SLC5A6: variants seen among roughly 807,000 people sequenced by gnomAD.
SLC5A6 encodes the protein solute carrier family 5 member 6, also known as sodium-dependent multivitamin transporter.
In SLC5A6, 31 loss-of-function variants were observed where a neutral mutation model predicts 67.9. The observed-to-expected ratio is 0.46, with a 90% CI of 0.34 to 0.62. The LOEUF (loss-of-function observed/expected upper bound fraction) is 0.62, where lower values mean the gene tolerates loss of function less well. Among genes scored for constraint, SLC5A6 ranks in the 20% least tolerant of loss-of-function variants. The probability of loss-of-function intolerance (pLI) is 0.01; values close to 1 mark genes in which losing one functional copy is unlikely to be tolerated. For missense variants in SLC5A6, 673 were observed against 812.8 expected (o/e 0.83, Z 2.09); for synonymous variants, 343 against 331.0 (o/e 1.04, Z -0.39).
At chr2:27,212,374 G>T (rs771834206), upstream of SLC5A6, 2 of 1,550,464 alleles carry the variant, frequency 1.3e-6, no homozygotes, top group Non-Finnish European at 1.7e-6. Context: ...GGAAAATGGC[G>T]CCTCACGACC....
rs977046723 is a variant in SLC5A6, at chr2:27,211,988, G to C, written c.-208+32C>G. 2.4e-5 allele frequency: 14 copies of C among 581,088 alleles called. No individual in the cohort carries two copies. In the African/African-American group the frequency reaches 2.5e-4, roughly 10 times the overall value. The allele number at this position is 581,088 out of a possible 1,614,324, so 36.0% of individuals were successfully genotyped here. A position where few individuals can be genotyped will look rare whatever the true frequency, so the allele number is the denominator to read the frequency against. ...GGGCCCCGCCCCCTGCCCGCCCCCT[G>C]CCCGCCCCGCTCGCCGTGCCGCCAT... is the stretch of plus-strand genomic sequence containing the variant. On this transcript the variant is annotated intron_variant, in intron 1 of 16. Coordinates refer to ENST00000310574, the MANE Select transcript of SLC5A6 (RefSeq NM_021095.4).
intron 13 of SLC5A6, 42 bp from the exon 14 acceptor site, chr2:27,201,889 C>A: frequency 6.2e-7 from 1 of 1,611,420 alleles, no homozygotes; most frequent in Non-Finnish European, 8.5e-7. Flanking sequence ...GCCAGTCCTG[C>A]CAGCCCTCAC....
intron 8 of SLC5A6, 35 bp downstream of exon 8, chr2:27,204,756 A>G: frequency 6.2e-7 from 1 of 1,613,546 alleles, no homozygotes; most frequent in Non-Finnish European, 8.5e-7. Context: ...CTTCCCCTAG[A>G]CCTTGCTCCA....
intron 4 of SLC5A6, 91 bp from the exon 5 acceptor site, chr2:27,206,625 C>T (rs370398089): frequency 1.6e-6 from 2 of 1,224,340 alleles, no homozygotes; most frequent in East Asian, 2.3e-5. Flanking sequence ...ATGCCCATGG[C>T]TTCCCCTCAC....
Position 27,212,127 on chromosome 2 carries a change from G to T in SLC5A6, c.-315C>A. ...TGCAGTCGGCTCCGGGAAGCCGCGC[G>T]GCGACGGGGGAGGCCTTCACTAAAG... On this transcript the variant is annotated 5_prime_UTR_variant, in exon 1 of 17. Coordinates refer to ENST00000310574, the MANE Select transcript of SLC5A6 (RefSeq NM_021095.4). 1 of 1,504,478 alleles carries T rather than the reference G, an allele frequency of 6.6e-7. No homozygotes were observed. The highest frequency in any genetic ancestry group is 1.4e-5 in the African/African-American group (1 of 68,978). The allele number at this position is 1,504,478 out of a possible 1,614,324, so 93.2% of individuals were successfully genotyped here.
rs1031604449 is a variant in SLC5A6, at chr2:27,206,651, T to A, written c.460-117A>T. On this transcript the variant is annotated intron_variant, in intron 4 of 16. Transcript: ENST00000310574. ...TTCCCCTCACCTAGGCTCACTTCCC[T>A]CTTCCTTCTCCTCTCAAATTCTGGC... The A allele has an allele frequency of 4.8e-6, 5 of 1,033,302 alleles. No individual in the cohort carries two copies. In the Admixed American group the frequency reaches 8.7e-5, roughly 18 times the overall value. 64.0% of individuals were successfully genotyped at this position (1,033,302 alleles called of 1,614,324 possible). A position where few individuals can be genotyped will look rare whatever the true frequency, so the allele number is the denominator to read the frequency against.
At chr2:27,200,917 A>C in intron 16 of SLC5A6, 81 bp downstream of exon 16, 2 of 913,374 alleles carry the variant, frequency 2.2e-6, no homozygotes, top group Non-Finnish European at 3.5e-6. Context: ...GGGGGAGAGA[A>C]AAGGGGTAGA....
At position 27,206,483 on chromosome 2, in the gene SLC5A6, C is replaced by A; in HGVS notation, c.511G>T (p.Val171Leu). 2 of 1,614,126 alleles carry A rather than the reference C, an allele frequency of 1.2e-6. No homozygotes were observed. Among genetic ancestry groups the A allele is most frequent in the Non-Finnish European group, 1.7e-6 (2 of 1,179,978 alleles). ...LYAPSLALNA[V>L]TGFDLWLSVL... ...AGCCAGGGGCTGTGTGACTCCTCAC[C>A]TGCATTGAGAGCCAATGACGGAGCA... Residue 171 changes from valine to leucine, a missense_variant and splice_region_variant, in exon 5 of 17, where the codon GTG (valine) becomes TTG (leucine). Coordinates refer to ENST00000310574, the MANE Select transcript of SLC5A6 (RefSeq NM_021095.4).
chr2:27,212,202 G>GC lies in SLC5A6; in HGVS notation c.-391dup. 1.3e-6 allele frequency: 2 copies of GC among 1,554,228 alleles called. No individual in the cohort carries two copies. The highest frequency in any genetic ancestry group is 1.7e-6 in the Non-Finnish European group (2 of 1,149,504). On this transcript the variant is annotated 5_prime_UTR_variant, in exon 1 of 17. An upstream open reading frame in the 5' UTR gains an earlier in-frame stop. Transcript: ENST00000310574. Reference sequence around the variant, plus strand: ...AGTATCCCCGAAAGAGGGCTAGGGCGCATGAAGACCAGCGCAGAGCTCCAC... The same window carrying GC: ...AGTATCCCCGAAAGAGGGCTAGGGCGCCATGAAGACCAGCGCAGAGCTCCAC...
rs371399166 is a variant in SLC5A6 at position 27,206,532 on chromosome 2, C to T, written c.462G>A (p.Val154=). The T allele has an allele frequency of 1.2e-6, 2 of 1,614,040 alleles. No homozygotes were observed. Among genetic ancestry groups the T allele is most frequent in the Non-Finnish European group, 1.7e-6 (2 of 1,179,950 alleles). ...CGTVTFIFQM[V]IYMGVVLYAP... is the part of the protein sequence containing the mutation. ...CATAGAGCACAACTCCCATGTAGATCACCTGTTGCATGTGGAAAAAATGTG... is the reference window on the plus strand; with the variant it reads ...CATAGAGCACAACTCCCATGTAGATTACCTGTTGCATGTGGAAAAAATGTG... Residue 154 remains valine (V), a splice_region_variant and synonymous_variant, in exon 5 of 17, where the codon GTG becomes GTA. Coordinates refer to ENST00000310574, the MANE Select transcript of SLC5A6 (RefSeq NM_021095.4).
At chr2:27,212,540 C>A, upstream of SLC5A6, 2 of 1,500,028 alleles carry the variant, frequency 1.3e-6, no homozygotes, top group South Asian at 1.3e-5. Flanking sequence ...GCCAGCGGCT[C>A]CCCCTTCTCC....
chr2:27,206,989 A>G (rs754885284), intron 3 of SLC5A6, 47 bp from the exon 4 acceptor site: 61 of 1,465,366 alleles, frequency 4.2e-5, no homozygotes, highest in Non-Finnish European at 5.5e-5. Context: ...CACCCCGACA[A>G]CTCACAGACA....
rs1041444531 is a variant in SLC5A6, at chr2:27,205,165, C to G, written c.734+185G>C. 7.0e-6 allele frequency: 5 copies of G among 717,874 alleles called. No homozygotes were observed. In the African/African-American group the frequency reaches 8.9e-5, roughly 13 times the overall value. 44.5% of individuals were successfully genotyped at this position (717,874 alleles called of 1,614,324 possible). ...ACTCATCCCAGGTAATGTCCTGACT[C>G]TCTATAAACACTAGCCGGGCACCTG... On this transcript the variant is annotated intron_variant, in intron 7 of 16. Coordinates refer to ENST00000310574, the MANE Select transcript of SLC5A6 (RefSeq NM_021095.4).
Position 27,212,039 on chromosome 2 carries a change from C to A in SLC5A6, c.-227G>T. The stretch of plus-strand genomic sequence containing the variant: ...GTTTACTGAGGGCGGATGGAGGGGC[C>A]CGAGTTTCTGCGAAGCCGCGACCTC... On this transcript the variant is annotated 5_prime_UTR_variant, in exon 1 of 17. Transcript: ENST00000310574. 2.2e-6 allele frequency: 2 copies of A among 891,682 alleles called. No individual in the cohort carries two copies. The highest frequency in any genetic ancestry group is 3.3e-6 in the Non-Finnish European group (2 of 614,494). 55.2% of individuals were successfully genotyped at this position (891,682 alleles called of 1,614,324 possible). A position where few individuals can be genotyped will look rare whatever the true frequency, so the allele number is the denominator to read the frequency against.
At chr2:27,205,533 C>T (rs764407790) in intron 6 of SLC5A6, 29 bp from the exon 7 acceptor site, 5 of 1,613,540 alleles carry the variant, frequency 3.1e-6, no homozygotes, top group Non-Finnish European at 3.4e-6. Context: ...AAACCTGCCA[C>T]AGAGGCCTTC....
chr2:27,211,607 A>G (rs991260785), intron 1 of SLC5A6, 74 bp from the exon 2 acceptor site: 1 of 152,652 alleles, frequency 6.6e-6, no homozygotes, highest in Non-Finnish European at 1.5e-5. Context: ...CCGGGACGCT[A>G]TGCGCTATCA....
intron 16 of SLC5A6, 98 bp downstream of exon 16, chr2:27,200,900 C>G (rs1280162629): frequency 9.0e-6 from 7 of 781,552 alleles, no homozygotes; most frequent in African/African-American, 3.5e-5. Flanking sequence ...GAGAGGCACC[C>G]GGGGCAGGGG....
Position 27,201,984 on chromosome 2 carries a change from T to A in SLC5A6, c.1362+4A>T. 6.2e-7 allele frequency: 1 copy of A among 1,612,948 alleles called. No individual in the cohort carries two copies. The highest frequency in any genetic ancestry group is 8.5e-7 in the Non-Finnish European group (1 of 1,179,026). Reference sequence around the variant, plus strand: ...ATGACTGTGGATCCAGATGCATCACTCACAGGAGGGTTAGCACATGGAAAG... The same window carrying A: ...ATGACTGTGGATCCAGATGCATCACACACAGGAGGGTTAGCACATGGAAAG... On this transcript the variant is annotated splice_donor_region_variant and intron_variant, in intron 13 of 16. Transcript: ENST00000310574.
intron 8 of SLC5A6, 61 bp downstream of exon 8, chr2:27,204,726 CAATT>C: frequency 6.2e-7 from 1 of 1,609,090 alleles, no homozygotes; most frequent in Non-Finnish European, 8.5e-7. Context: ...TGCCCCACCC[CAATT>C]ATCTCTGGGG....
Sources: allele counts gnomAD v4.1 joint callset, GRCh38; gene constraint gnomAD v4.1.1; transcripts MANE v1.5; gene names NCBI Gene and HGNC (gene_info 2026-07-23, HGNC 2026-07-21).